MORN1: variants seen among roughly 807,000 people sequenced by gnomAD.
MORN1 encodes MORN repeat containing 1.
A neutral mutation model predicts 61.9 loss-of-function variants in MORN1; 67 were observed. The observed-to-expected ratio is 1.08, with a 90% CI of 0.89 to 1.33. The LOEUF (loss-of-function observed/expected upper bound fraction) is 1.33, where lower values mean the gene tolerates loss of function less well. Ranked by LOEUF, MORN1 falls within the 40% of genes most tolerant of loss-of-function variation. The pLI is 0.00. For synonymous variants in MORN1, 301 were observed against 292.0 expected, an observed-to-expected ratio of 1.03 and a Z score of -0.31; for missense variants, 752 against 691.2, an observed-to-expected ratio of 1.09 and a Z score of -0.99.
At chr1:2,342,857 AT>A (rs1269852760) in intron 10 of MORN1, among the ~76,000 whole-genome samples, 5 of 100,198 alleles carry the variant, frequency 5.0e-5, no homozygotes, top group East Asian at 2.4e-4. Context: ...ATTTTATTTT[AT>A]TTTATTTTAT....
intron 6 of MORN1, among the ~76,000 whole-genome samples, chr1:2,384,243 C>A (rs1642436014): frequency 1.3e-5 from 2 of 152,212 alleles, no homozygotes; most frequent in Non-Finnish European, 2.9e-5. Flanking sequence ...CAGGCACCAA[C>A]CTTGACTCTT....
intron 12 of MORN1, chr1:2,326,235 G>A (rs1376212953): frequency 6.6e-6 from 1 of 152,238 alleles, no homozygotes; most frequent in Admixed American, 6.5e-5. Context: ...TTCATTTCGA[G>A]TGGGGAGAAC....
chr1:2,356,364 T>C (rs1286712789), intron 10 of MORN1, among the ~76,000 whole-genome samples: 1 of 152,070 alleles, frequency 6.6e-6, no homozygotes, highest in Non-Finnish European at 1.5e-5. Flanking sequence ...ATGTGGAAGG[T>C]GGTGGCACAC....
intron 13 of MORN1, chr1:2,321,911 C>G: frequency 3.0e-6 from 2 of 667,512 alleles, no homozygotes; most frequent in Non-Finnish European, 1.9e-6. Flanking sequence ...CTCTCAAGCC[C>G]CCACTGCTGA....
At chr1:2,333,330 C>T (rs1176615564) in intron 12 of MORN1, among the ~76,000 whole-genome samples, 5 of 152,198 alleles carry the variant, frequency 3.3e-5, no homozygotes, top group Admixed American at 2.6e-4. Flanking sequence ...GGGTCAGCCC[C>T]GGGCCCAGCT....
intron 4 of MORN1, 70 bp from the exon 5 acceptor site, chr1:2,385,967 C>T (rs1042121019): frequency 3.0e-5 from 42 of 1,414,946 alleles, no homozygotes; most frequent in African/African-American, 7.0e-5. Context: ...ATCTGCCCTC[C>T]GCTCCTTGGA....
At chr1:2,327,197 GAAACACAC>G (rs1641048441) in intron 12 of MORN1, among the ~76,000 whole-genome samples, 1 of 139,126 alleles carries the variant, frequency 7.2e-6, no homozygotes, top group African/African-American at 2.8e-5. Flanking sequence ...CAGAGACACA[GAAACACAC>G]AGAAACACAG....
intron 6 of MORN1, among the ~76,000 whole-genome samples, chr1:2,384,182 C>T (rs1485970303): frequency 6.6e-6 from 1 of 152,210 alleles, no homozygotes; most frequent in Non-Finnish European, 1.5e-5. Flanking sequence ...TGCCTCCTGA[C>T]TGTGTCCTGA....
At chr1:2,351,342 C>G (rs1641641595) in intron 10 of MORN1, 1 of 154,424 alleles carries the variant, frequency 6.5e-6, no homozygotes, top group African/African-American at 2.4e-5. Context: ...GGCACGCCAC[C>G]TGCTTCCTTA....
At chr1:2,329,731 C>T (rs373640467) in intron 12 of MORN1, among the ~76,000 whole-genome samples, 14 of 152,332 alleles carry the variant, frequency 9.2e-5, no homozygotes, top group African/African-American at 2.6e-4. Context: ...GAGTCACCAC[C>T]GCATCACGTG....
rs181183896 is a variant in MORN1, at chr1:2,343,568, G to A, written c.1037-6718C>T. 1.3e-3 allele frequency among the ~76,000 whole-genome samples: 193 copies of A among 152,282 alleles called. 1 individual carries two copies. Among genetic ancestry groups the A allele is most frequent in the African/African-American group, 4.5e-3 (188 of 41,564 alleles). On this transcript the variant is annotated intron_variant, in intron 10 of 13. Coordinates refer to ENST00000378531, the MANE Select transcript of MORN1 (RefSeq NM_024848.3). Reference sequence around the variant, plus strand: ...CTGGCCAAGGTCCGGGGCTCCCTGCGGCTGCTGTCCTCAGGGTTCTCCTCA... The same window carrying A: ...CTGGCCAAGGTCCGGGGCTCCCTGCAGCTGCTGTCCTCAGGGTTCTCCTCA...
chr1:2,325,406 C>T (rs553048168), intron 12 of MORN1, among the ~76,000 whole-genome samples: 1 of 151,112 alleles, frequency 6.6e-6, no homozygotes, highest in Admixed American at 6.6e-5. Flanking sequence ...CTCCTGGGCT[C>T]GAGCAAGCAA....
At chr1:2,341,467 C>A (rs955279152) in intron 10 of MORN1, among the ~76,000 whole-genome samples, 7 of 152,174 alleles carry the variant, frequency 4.6e-5, no homozygotes, top group African/African-American at 1.4e-4. Flanking sequence ...CCAAAGCAGG[C>A]GGATCAGGAG....
rs770030799 is a variant in MORN1 at position 2,389,975 on chromosome 1, G to A, written c.98C>T (p.Pro33Leu). The change falls in exon 2 of 14, where the codon CCA becomes CTA. Residue 33 changes from proline to leucine, a missense_variant. Physicochemically the swap from Pro to Leu is moderately conservative, Grantham distance 98 (BLOSUM62 -3). Transcript: ENST00000378531. ...TCCTTCATATCGAAAGAAGGAATTT[G>A]GGTATACGTAGACACCATAACCTGA... Reference protein sequence around the residue: ...PRNGYGVYVYPNSFFRYEGEW... With the variant: ...PRNGYGVYVYLNSFFRYEGEW... 7.4e-6 allele frequency: 12 copies of A among 1,614,054 alleles called. No individual in the cohort carries two copies. In the South Asian group the frequency reaches 8.8e-5, roughly 12 times the overall value.
chr1:2,362,819 G>A (rs1331232903), intron 8 of MORN1, among the ~76,000 whole-genome samples: 8 of 151,748 alleles, frequency 5.3e-5, no homozygotes, highest in African/African-American at 1.2e-4. Flanking sequence ...AGCCGAGATC[G>A]CGCCATTGCA....
intron 12 of MORN1, among the ~76,000 whole-genome samples, chr1:2,324,975 T>C (rs961986573): frequency 1.7e-4 from 12 of 69,218 alleles, no homozygotes; most frequent in Admixed American, 2.2e-4. Context: ...GTGAGGAAGC[T>C]GGGCCCGGCA....
At chr1:2,327,855 C>T (rs1282427651) in intron 12 of MORN1, among the ~76,000 whole-genome samples, 1 of 152,276 alleles carries the variant, frequency 6.6e-6, no homozygotes, top group Non-Finnish European at 1.5e-5. Context: ...GGGCCGCTTT[C>T]CCAAGGCCCC....
intron 8 of MORN1, among the ~76,000 whole-genome samples, chr1:2,362,706 C>CA (rs887900385): frequency 1.3e-4 from 20 of 151,768 alleles, no homozygotes; most frequent in African/African-American, 4.6e-4. Flanking sequence ...ACTAAAAATA[C>CA]AAAAAAAATT....
chr1:2,345,530 C>T (rs755868730), intron 10 of MORN1, among the ~76,000 whole-genome samples: 10 of 152,208 alleles, frequency 6.6e-5, no homozygotes, highest in South Asian at 2.1e-4. Context: ...ACCCTCAGGC[C>T]GCTCAGAGGG....
Sources: allele counts gnomAD v4.1 joint callset (sites outside exome capture counted in the v4.1 genomes callset), GRCh38; gene constraint gnomAD v4.1.1; transcripts MANE v1.5; gene names NCBI Gene and HGNC (gene_info 2026-07-23, HGNC 2026-07-21).